CLDN10: variants seen among roughly 807,000 people sequenced by gnomAD.
CLDN10 encodes claudin 10, also known as claudin-10.
In CLDN10, 15 loss-of-function variants were observed where a neutral mutation model predicts 22.9. The observed-to-expected ratio is 0.65, with a 90% CI of 0.44 to 1.01. The LOEUF (loss-of-function observed/expected upper bound fraction) is 1.01. Among genes scored for constraint, CLDN10 ranks in the 50% least tolerant of loss-of-function variants. The probability of loss-of-function intolerance (pLI) is 0.00; values close to 1 mark genes in which losing one functional copy is unlikely to be tolerated. For synonymous variants in CLDN10, 114 were observed against 111.4 expected, an observed-to-expected ratio of 1.02 and a Z score of -0.15; for missense variants, 247 against 287.8, an observed-to-expected ratio of 0.86 and a Z score of 1.03.
chr13:95,518,849 G>A (rs1185637779), intron 1 of CLDN10, among the ~76,000 whole-genome samples: 2 of 152,188 alleles, frequency 1.3e-5, no homozygotes, highest in Non-Finnish European at 2.9e-5. Context: ...TTGCAACATG[G>A]ACCCTAGGTA....
At chr13:95,530,227 A>G (rs990282088) in intron 1 of CLDN10, among the ~76,000 whole-genome samples, 2 of 152,168 alleles carry the variant, frequency 1.3e-5, no homozygotes, top group African/African-American at 4.8e-5. Flanking sequence ...AGTTATTTAA[A>G]TCCATCTCAC....
intron 1 of CLDN10, among the ~76,000 whole-genome samples, chr13:95,514,970 A>T (rs765583389): frequency 1.3e-5 from 2 of 152,168 alleles, no homozygotes; most frequent in Non-Finnish European, 2.9e-5. Flanking sequence ...ACACTATGGA[A>T]GGTGAACTTG....
chr13:95,469,769 T>A (rs1002773239), intron 1 of CLDN10, among the ~76,000 whole-genome samples: 2 of 152,212 alleles, frequency 1.3e-5, no homozygotes, highest in Middle Eastern at 3.2e-3. Flanking sequence ...ACTCAAAAAA[T>A]GCTTATGAGA....
intron 1 of CLDN10, among the ~76,000 whole-genome samples, chr13:95,437,815 C>G (rs1187351685): frequency 6.6e-6 from 1 of 152,156 alleles, no homozygotes; most frequent in Non-Finnish European, 1.5e-5. Context: ...ATTCTGGCTC[C>G]TTTATGACTT....
intron 1 of CLDN10, among the ~76,000 whole-genome samples, chr13:95,455,247 C>T (rs1279791618): frequency 2.0e-5 from 3 of 152,008 alleles, no homozygotes; most frequent in Admixed American, 1.3e-4. Context: ...GCCTATTGGC[C>T]AGTGGCCACA....
intron 1 of CLDN10, among the ~76,000 whole-genome samples, chr13:95,459,246 C>T (rs2042511748): frequency 6.6e-6 from 1 of 152,152 alleles, no homozygotes; most frequent in African/African-American, 2.4e-5. Context: ...AGTAGATCTA[C>T]CATTATGGGG....
intron 1 of CLDN10, among the ~76,000 whole-genome samples, chr13:95,525,882 G>A (rs967954462): frequency 1.1e-4 from 16 of 151,990 alleles, no homozygotes; most frequent in African/African-American, 3.9e-4. Context: ...CTTGCATCTA[G>A]CTTTGTGCGC....
intron 1 of CLDN10, among the ~76,000 whole-genome samples, chr13:95,472,139 C>A (rs945648110): frequency 3.9e-5 from 6 of 152,106 alleles, no homozygotes; most frequent in Non-Finnish European, 8.8e-5. Flanking sequence ...TAAATGGCTT[C>A]TCAGTTTTGC....
intron 1 of CLDN10, among the ~76,000 whole-genome samples, chr13:95,439,001 G>A (rs1014088535): frequency 2.0e-5 from 3 of 149,554 alleles, no homozygotes; most frequent in South Asian, 2.1e-4. Flanking sequence ...AAAAAAAAGC[G>A]GAGGGTAAAG....
chr13:95,556,333 A>G (rs1443763544), intron 1 of CLDN10, among the ~76,000 whole-genome samples: 5 of 152,218 alleles, frequency 3.3e-5, no homozygotes, highest in African/African-American at 1.2e-4. Context: ...GGCATGAGCC[A>G]TGCGCCCAGC....
chr13:95,443,019 A>G (rs2042339285), intron 1 of CLDN10, among the ~76,000 whole-genome samples: 3 of 152,218 alleles, frequency 2.0e-5, no homozygotes, highest in Admixed American at 1.3e-4. Flanking sequence ...TGTTTTACGA[A>G]GTGCTTTCAC....
At chr13:95,493,776 TC>T (rs1188185324) in intron 1 of CLDN10, among the ~76,000 whole-genome samples, 1 of 152,064 alleles carries the variant, frequency 6.6e-6, no homozygotes, top group Admixed American at 6.5e-5. Flanking sequence ...GCCAGGCTGG[TC>T]TCAAACTTCT....
upstream of CLDN10, among the ~76,000 whole-genome samples, chr13:95,548,874 T>G (rs190756866): frequency 9.8e-5 from 15 of 152,344 alleles, no homozygotes; most frequent in Admixed American, 3.3e-4. Flanking sequence ...TAGAAAATCC[T>G]TGAGCTATTG....
intron 1 of CLDN10, among the ~76,000 whole-genome samples, chr13:95,534,800 T>C (rs888585181): frequency 1.3e-5 from 2 of 152,184 alleles, no homozygotes; most frequent in East Asian, 1.9e-4. Context: ...CAGGGTTTTT[T>C]TTCTCCTGGC....
intron 1 of CLDN10, among the ~76,000 whole-genome samples, chr13:95,487,617 T>C (rs997345022): frequency 1.3e-5 from 2 of 152,176 alleles, no homozygotes; most frequent in Admixed American, 6.5e-5. Flanking sequence ...ACATACTTCA[T>C]GAACTCATGG....
chr13:95,541,137 CATAGGCACCG>C (rs2043455871), intron 1 of CLDN10, among the ~76,000 whole-genome samples: 1 of 152,348 alleles, frequency 6.6e-6, no homozygotes, highest in Middle Eastern at 3.4e-3. Flanking sequence ...TGAAAGCAAA[CATAGGCACCG>C]ATGCTTGAGA....
rs183069814 is a variant in CLDN10 at position 95,487,642 on chromosome 13, T to C, written c.214+53595T>C. On this transcript the variant is annotated intron_variant, in intron 1 of 4. Transcript: ENST00000376873. The stretch of plus-strand genomic sequence containing the variant: ...TGAACTCATGGACAATGTTGTCACA[T>C]CTGTACTCCCATTCCCTATGGTTCT... Among the ~76,000 whole-genome samples the C allele has an allele frequency of 2.3e-3, 353 of 152,318 alleles. 2 individuals are homozygous for C. Among genetic ancestry groups the C allele is most frequent in the Middle Eastern group, 0.01 (3 of 292 alleles).
intron 1 of CLDN10, among the ~76,000 whole-genome samples, chr13:95,538,299 G>A (rs2043423085): frequency 6.6e-6 from 1 of 151,000 alleles, no homozygotes; most frequent in African/African-American, 2.4e-5. Flanking sequence ...CACCACGCCT[G>A]GCTAGTTTTT....
chr13:95,507,220 A>G (rs1227119427), intron 1 of CLDN10, among the ~76,000 whole-genome samples: 2 of 152,182 alleles, frequency 1.3e-5, no homozygotes, highest in Non-Finnish European at 2.9e-5. Flanking sequence ...ACAGATAAAC[A>G]TTTTTGAGTT....
Sources: gnomAD v4.1 joint callset for allele counts (sites outside exome capture counted in the v4.1 genomes callset) on GRCh38, gnomAD v4.1.1 for gene constraint, MANE v1.5 for transcripts, NCBI Gene and HGNC (gene_info 2026-07-23, HGNC 2026-07-21) for gene names.